TENM3: variants seen among roughly 807,000 people sequenced by gnomAD.
TENM3 encodes the protein teneurin transmembrane protein 3.
In TENM3, 63 loss-of-function variants were observed where a neutral mutation model predicts 255.1. That is an observed-to-expected ratio of 0.25 (90% CI 0.20 to 0.30). TENM3 has a LOEUF of 0.30. Ranked by LOEUF, TENM3 falls within the 10% of genes least tolerant of loss-of-function variation. The pLI is 1.00. For missense variants in TENM3, 2,929 were observed against 3,461.1 expected (o/e 0.85, Z 3.86); for synonymous variants, 1,306 against 1,322.3 (o/e 0.99, Z 0.27).
chr4:181,987,171 T>C, the TENM3 span, among the ~76,000 whole-genome samples: 23 of 152,236 alleles, frequency 1.5e-4, no homozygotes, highest in Non-Finnish European at 3.2e-4. Context: ...TTTCTTCATC[T>C]ATCCTCTTAC....
chr4:181,859,622 G>C, the TENM3 span, among the ~76,000 whole-genome samples: 1 of 152,258 alleles, frequency 6.6e-6, no homozygotes, highest in East Asian at 1.9e-4. Flanking sequence ...CCAGTATTCA[G>C]TTGCATTTCC....
chr4:181,621,309 G>C, the TENM3 span, among the ~76,000 whole-genome samples: 2 of 152,154 alleles, frequency 1.3e-5, no homozygotes, highest in Non-Finnish European at 2.9e-5. Context: ...ACACTGCTAA[G>C]GGAGACAGCT....
intron 3 of TENM3, among the ~76,000 whole-genome samples, chr4:182,491,109 A>G (rs1415981956): frequency 6.6e-6 from 1 of 152,192 alleles, no homozygotes; most frequent in Non-Finnish European, 1.5e-5. Flanking sequence ...TGTGTTTTGC[A>G]AACAAAAATG....
chr4:181,709,454 C>A, the TENM3 span, among the ~76,000 whole-genome samples: 5 of 152,154 alleles, frequency 3.3e-5, no homozygotes, highest in African/African-American at 1.2e-4. Flanking sequence ...AAGTGTGAGA[C>A]CATTAAAGAG....
chr4:181,467,415 G>T, the TENM3 span, among the ~76,000 whole-genome samples: 1 of 151,546 alleles, frequency 6.6e-6, no homozygotes, highest in South Asian at 2.1e-4. Context: ...GATTACAGAT[G>T]TGAGCCACCG....
intron 1 of TENM3, among the ~76,000 whole-genome samples, chr4:182,316,884 C>A (rs1762779870): frequency 1.3e-5 from 2 of 152,150 alleles, no homozygotes; most frequent in African/African-American, 4.8e-5. Flanking sequence ...TTCCTGGGTC[C>A]CCCTTCCTGT....
chr4:181,777,509 T>C, the TENM3 span, among the ~76,000 whole-genome samples: 1 of 152,126 alleles, frequency 6.6e-6, no homozygotes, highest in Non-Finnish European at 1.5e-5. Context: ...GTATGGTCAC[T>C]CTAACAATGC....
chr4:181,787,340 CT>C, the TENM3 span, among the ~76,000 whole-genome samples: 5,024 of 141,304 alleles, frequency 0.036, 151 homozygotes, highest in African/African-American at 0.084. Context: ...CTACATCCAT[CT>C]TTTTTTTTTT....
chr4:182,657,456 C>T (rs961173495), intron 6 of TENM3, among the ~76,000 whole-genome samples: 5 of 152,142 alleles, frequency 3.3e-5, no homozygotes, highest in African/African-American at 1.2e-4. Flanking sequence ...CCTTTTCTCC[C>T]CATATTCCAG....
the TENM3 span, among the ~76,000 whole-genome samples, chr4:181,763,039 T>C: frequency 6.6e-6 from 1 of 152,212 alleles, no homozygotes; most frequent in Non-Finnish European, 1.5e-5. Context: ...AAATATATAA[T>C]ACTTTCTGTT....
the TENM3 span, among the ~76,000 whole-genome samples, chr4:181,865,127 A>C: frequency 1.3e-5 from 2 of 152,340 alleles, no homozygotes; most frequent in South Asian, 4.1e-4. Flanking sequence ...TTACAGATAG[A>C]AAAAGTGTTT....
the TENM3 span, among the ~76,000 whole-genome samples, chr4:181,950,865 A>T: frequency 6.6e-6 from 1 of 152,128 alleles, no homozygotes; most frequent in African/African-American, 2.4e-5. Flanking sequence ...ACATAGTGGG[A>T]TCCTGTCTCT....
chr4:182,798,180 T>C lies in TENM3; in HGVS notation c.7344+1413T>C, dbSNP rs191413535. Among the ~76,000 whole-genome samples the C allele has an allele frequency of 2.0e-5, 3 of 152,278 alleles. No homozygotes were observed. In the East Asian group the frequency reaches 5.8e-4, roughly 29 times the overall value. On this transcript the variant is annotated intron_variant, in intron 27 of 27. Coordinates refer to ENST00000511685, the MANE Select transcript of TENM3 (RefSeq NM_001080477.4). ...GTGCCACCACACCCAGCTAATTTTT[T>C]ATTTTTTGTAGAGATAAGAGTCTCC...
chr4:181,570,490 G>T, the TENM3 span, among the ~76,000 whole-genome samples: 1 of 150,682 alleles, frequency 6.6e-6, no homozygotes, highest in African/African-American at 2.4e-5. Flanking sequence ...GACAGAGAAA[G>T]ACCCTGTCTC....
In TENM3 at chr4:182,234,625, G is replaced by A. The variant is rs181783146; in HGVS notation, c.-75-89321G>A. Among the ~76,000 whole-genome samples, 918 of 152,128 alleles carry A rather than the reference G, an allele frequency of 6.0e-3. 4 individuals are homozygous for A. The highest frequency in any genetic ancestry group is 0.021 in the African/African-American group (875 of 41,494). ...CAGGCCCCTGTAATCCCAGCTACTC[G>A]GGAGGCTGAGGCAGGAGAATCACTT... On this transcript the variant is annotated intron_variant, in intron 1 of 2. Coordinates refer to the TENM3 transcript ENST00000512480.
the TENM3 span, among the ~76,000 whole-genome samples, chr4:182,001,827 T>G: frequency 1.5e-3 from 227 of 152,176 alleles, no homozygotes; most frequent in Non-Finnish European, 2.8e-3. Flanking sequence ...TTTAGGTGGA[T>G]TTTATTCTAT....
chr4:182,558,025 T>G (rs750952637), intron 3 of TENM3, among the ~76,000 whole-genome samples: 3 of 152,220 alleles, frequency 2.0e-5, no homozygotes, highest in Non-Finnish European at 2.9e-5. Flanking sequence ...TACCTTCTGC[T>G]TTCATCTACG....
the TENM3 span, among the ~76,000 whole-genome samples, chr4:181,794,347 A>G: frequency 5.9e-5 from 9 of 151,836 alleles, no homozygotes; most frequent in African/African-American, 2.2e-4. Flanking sequence ...GCAATAGACT[A>G]TTATTAACTG....
the TENM3 span, among the ~76,000 whole-genome samples, chr4:181,608,469 T>G: frequency 1.3e-5 from 2 of 152,112 alleles, no homozygotes. Flanking sequence ...CCCAGGTAGT[T>G]GATTGCTTTG....
Sources: allele counts gnomAD v4.1 joint callset (sites outside exome capture counted in the v4.1 genomes callset), GRCh38; gene constraint gnomAD v4.1.1; transcripts MANE v1.5; gene names NCBI Gene and HGNC (gene_info 2026-07-23, HGNC 2026-07-21).